Variants in SPATA2 observed in about 807,000 individuals in gnomAD.
The protein encoded by SPATA2 is spermatogenesis associated 2, also known as spermatogenesis-associated protein 2.
A neutral mutation model predicts 35.4 loss-of-function variants in SPATA2; 8 were observed. That is an observed-to-expected ratio of 0.23 (90% CI 0.13 to 0.41). SPATA2 has a LOEUF of 0.41. Among genes scored for constraint, SPATA2 ranks in the 10% least tolerant of loss-of-function variants. The probability of loss-of-function intolerance (pLI) is 1.00; values close to 1 mark genes in which losing one functional copy is unlikely to be tolerated. For synonymous variants in SPATA2, 293 were observed against 300.9 expected (o/e 0.97, Z 0.27); for missense variants, 650 against 698.7 (o/e 0.93, Z 0.79).
In SPATA2 at chr20:49,904,945, C is replaced by G. The variant is rs188653657; in HGVS notation, c.*674G>C. The G allele has an allele frequency of 6.5e-6, 1 of 152,990 alleles. No homozygotes were observed. The highest frequency in any genetic ancestry group is 6.5e-5 in the Admixed American group (1 of 15,300). 9.5% of individuals were successfully genotyped at this position (152,990 alleles called of 1,614,324 possible). ...TCAGTCCTGCTGTGGGAAGCCCACA[C>G]ATCAGTGTGTTGGAGCAAAGTTCAC... On this transcript the variant is annotated 3_prime_UTR_variant, in exon 3 of 3. Coordinates refer to ENST00000289431, the MANE Select transcript of SPATA2 (RefSeq NM_006038.4).
At chr20:49,907,115 C>T (rs1475263963) in intron 2 of SPATA2, among the ~76,000 whole-genome samples, 4 of 152,148 alleles carry the variant, frequency 2.6e-5, no homozygotes, top group Non-Finnish European at 4.4e-5. Context: ...GGGTGGAGTG[C>T]GGTGGTGCGA....
At chr20:49,908,091 G>C in intron 2 of SPATA2, 64 bp downstream of exon 2, 3 of 1,481,960 alleles carry the variant, frequency 2.0e-6, no homozygotes, top group Non-Finnish European at 2.7e-6. Context: ...AGCCTCTCAG[G>C]AGGGACTGCC....
intron 1 of SPATA2, among the ~76,000 whole-genome samples, chr20:49,913,015 G>C (rs1045201637): frequency 2.0e-5 from 3 of 151,982 alleles, no homozygotes; most frequent in Non-Finnish European, 4.4e-5. Context: ...AGTCTGAGGT[G>C]GGGGGATCCA....
intron 1 of SPATA2, among the ~76,000 whole-genome samples, chr20:49,911,666 CTA>C (rs2090182858): frequency 6.8e-6 from 1 of 146,242 alleles, no homozygotes; most frequent in African/African-American, 2.5e-5. Context: ...GACTCCGTCT[CTA>C]AAAAAAAAAA....
chr20:49,908,453 T>C lies in SPATA2; in HGVS notation c.38A>G (p.Asp13Gly), dbSNP rs748421358. ...CTGCACGTACTTCCGAAATAAGTCA[T>C]CCTTGAATTTAGTATCCATTGAACT... ...KPSSMDTKFK[D>G]DLFRKYVQFH... Residue 13 changes from aspartate to glycine, a missense_variant, in exon 2 of 3, where the codon GAT (aspartate) becomes GGT (glycine). Coordinates refer to ENST00000289431, the MANE Select transcript of SPATA2 (RefSeq NM_006038.4). 17 of 1,605,120 alleles carry C rather than the reference T, an allele frequency of 1.1e-5. No homozygotes were observed. In the East Asian group the frequency reaches 3.6e-4, roughly 34 times the overall value.
chr20:49,913,195 A>C (rs919843588), intron 1 of SPATA2, among the ~76,000 whole-genome samples: 3 of 152,222 alleles, frequency 2.0e-5, no homozygotes, highest in Non-Finnish European at 2.9e-5. Context: ...CACTTTACCT[A>C]CATCATCCCA....
chr20:49,903,952 T>TATATATAA lies in SPATA2; in HGVS notation c.*1666_*1667insTTATATAT. 9.3e-6 allele frequency: 1 copy of TATATATAA among 107,532 alleles called. No individual in the cohort carries two copies. Among genetic ancestry groups the TATATATAA allele is most frequent in the South Asian group, 2.8e-4 (1 of 3,538 alleles). 6.7% of individuals were successfully genotyped at this position (107,532 alleles called of 1,614,324 possible). ...ATATATATATATATATATATATATA[T>TATATATAA]TAAAAAGAGAGCCATAGAAGATTTG... On this transcript the variant is annotated 3_prime_UTR_variant, in exon 3 of 3. Coordinates refer to ENST00000289431, the MANE Select transcript of SPATA2 (RefSeq NM_006038.4).
rs2090134929 is a variant in SPATA2, at chr20:49,905,495, C to T, written c.*124G>A. The T allele has an allele frequency of 1.8e-6, 2 of 1,103,640 alleles. No individual in the cohort carries two copies. Among genetic ancestry groups the T allele is most frequent in the Non-Finnish European group, 2.6e-6 (2 of 771,142 alleles). 68.4% of individuals were successfully genotyped at this position (1,103,640 alleles called of 1,614,324 possible). ...CACGTGGACACAGCCAGCCCACGAT[C>T]TCTGCCACCTACATGGTCAAGTGCA... On this transcript the variant is annotated 3_prime_UTR_variant, in exon 3 of 3. Coordinates refer to ENST00000289431, the MANE Select transcript of SPATA2 (RefSeq NM_006038.4).
chr20:49,912,912 G>C (rs540810213), intron 1 of SPATA2, among the ~76,000 whole-genome samples: 1 of 148,942 alleles, frequency 6.7e-6, no homozygotes, highest in Non-Finnish European at 1.5e-5. Flanking sequence ...AGACAAGCCT[G>C]GACAACATAG....
chr20:49,913,095 C>G (rs1358563218), intron 1 of SPATA2, among the ~76,000 whole-genome samples: 1 of 152,036 alleles, frequency 6.6e-6, no homozygotes, highest in Non-Finnish European at 1.5e-5. Flanking sequence ...GGTGACAGAG[C>G]AAGACCTTGT....
At chr20:49,912,491 T>C (rs1474325365) in intron 1 of SPATA2, among the ~76,000 whole-genome samples, 1 of 152,222 alleles carries the variant, frequency 6.6e-6, no homozygotes, top group African/African-American at 2.4e-5. Context: ...TAGTCACACA[T>C]GCATTTACCA....
At position 49,903,729 on chromosome 20, in the gene SPATA2, A is replaced by ATGGAAAAC. The variant is rs2146823989; in HGVS notation, c.*1882_*1889dup. 1 of 152,096 alleles carries ATGGAAAAC rather than the reference A, an allele frequency of 6.6e-6. No homozygotes were observed. The highest frequency in any genetic ancestry group is 1.9e-4 in the East Asian group (1 of 5,176). The allele number at this position is 152,096 out of a possible 1,614,324, so 9.4% of individuals were successfully genotyped here. A position where few individuals can be genotyped will look rare whatever the true frequency, so the allele number is the denominator to read the frequency against. Reference sequence around the variant, plus strand: ...ACTGTAATGCTGGCGCAATCTGGAAATGGAAAACTAGAAAACTAGAGCTCT... The same window carrying ATGGAAAAC: ...ACTGTAATGCTGGCGCAATCTGGAAATGGAAAACTGGAAAACTAGAAAACTAGAGCTCT... On this transcript the variant is annotated 3_prime_UTR_variant, in exon 3 of 3. Coordinates refer to ENST00000289431, the MANE Select transcript of SPATA2 (RefSeq NM_006038.4).
intron 1 of SPATA2, among the ~76,000 whole-genome samples, chr20:49,911,310 T>C (rs1309901582): frequency 2.6e-5 from 4 of 152,168 alleles, no homozygotes; most frequent in Admixed American, 2.0e-4. Flanking sequence ...AAGGACCATG[T>C]CTGTGTTGTT....
In SPATA2 at chr20:49,906,736, T is replaced by C; in HGVS notation, c.446A>G (p.Lys149Arg). 6.2e-7 allele frequency: 1 copy of C among 1,614,228 alleles called. No homozygotes were observed. ...GYTPELGTAY[K>R]LRELVETLQV... is the part of the protein sequence containing the mutation. ...GAGGGTCTCCACGAGCTCTCTGAGC[T>C]TGTATGCAGTGCCCAGCTCAGGTGT... The change falls in exon 3 of 3, where the codon AAG becomes AGG. Residue 149 changes from lysine to arginine, a missense_variant. Transcript: ENST00000289431. This position sits in a 1 kb window ranked among gnomAD's most constrained non-coding sequence, Gnocchi z 8.2.
In SPATA2 at chr20:49,905,882, G is replaced by C. The variant is rs769759238; in HGVS notation, c.1300C>G (p.Pro434Ala). The C allele has an allele frequency of 3.7e-6, 6 of 1,613,088 alleles. No individual in the cohort carries two copies. The African/African-American group carries it at 8.0e-5, about 22-fold the overall frequency. ...AHGASLREKY[P>A]GQTQGLDRLP... is the part of the protein sequence containing the mutation. ...CGGTCGAGGCCCTGAGTCTGGCCTG[G>C]GTACTTCTCCCGCAGAGATGCCCCG... Residue 434 changes from proline to alanine, a missense_variant, in exon 3 of 3, where the codon CCA becomes GCA. Pro to Ala is a conservative substitution (Grantham distance 27, BLOSUM62 -1). Transcript: ENST00000289431.
chr20:49,907,486 C>A (rs1017698101), intron 2 of SPATA2, among the ~76,000 whole-genome samples: 4 of 152,126 alleles, frequency 2.6e-5, no homozygotes, highest in Admixed American at 1.3e-4. Flanking sequence ...ACAGGCAGAA[C>A]GCGGTGACAA....
rs1239261429 is a variant in SPATA2, at chr20:49,903,898, GATAGATATATATATATATATAT to G, written c.*1699_*1720del. On this transcript the variant is annotated 3_prime_UTR_variant, in exon 3 of 3. Transcript: ENST00000289431. Reference sequence around the variant, plus strand: ...CTGTACATCTACATGTGATCTACCAGATAGATATATATATATATATATATATATATATATATATATATATATA... The same window carrying G: ...CTGTACATCTACATGTGATCTACCAGATATATATATATATATATATATATA... 1,031 of 86,100 alleles carry G rather than the reference GATAGATATATATATATATATAT, an allele frequency of 0.012. 39 individuals are homozygous for G. Among genetic ancestry groups the G allele is most frequent in the African/African-American group, 0.029 (633 of 21,482 alleles). The allele number at this position is 86,100 out of a possible 1,614,324, so 5.3% of individuals were successfully genotyped here.
intron 1 of SPATA2, among the ~76,000 whole-genome samples, chr20:49,914,361 C>T (rs1465337303): frequency 6.6e-6 from 1 of 152,136 alleles, no homozygotes; most frequent in Non-Finnish European, 1.5e-5. Context: ...CCCCAAGCAG[C>T]ATTTGAAGGC....
In SPATA2 at chr20:49,905,559, A is replaced by G. The variant is rs2090135311; in HGVS notation, c.*60T>C. On this transcript the variant is annotated 3_prime_UTR_variant, in exon 3 of 3. Transcript: ENST00000289431. ...GAGATCAATGCGTTAGTACTTCTTC[A>G]CCGTGAAACCCGAAAGGTCGGTTGA... 6.4e-7 allele frequency: 1 copy of G among 1,574,440 alleles called. No individual in the cohort carries two copies. Among genetic ancestry groups the G allele is most frequent in the Non-Finnish European group, 8.7e-7 (1 of 1,154,618 alleles).
Sources: allele counts gnomAD v4.1 joint callset (sites outside exome capture counted in the v4.1 genomes callset), GRCh38; gene constraint gnomAD v4.1.1; non-coding constraint Gnocchi (gnomAD v3.1); transcripts MANE v1.5; gene names NCBI Gene and HGNC (gene_info 2026-07-23, HGNC 2026-07-21).